The following RSF1 variants were observed in gnomAD, a reference collection of about 807,000 sequenced individuals.
RSF1 encodes the protein HBV pX-associated protein 8.
Under a neutral mutation model 145.2 loss-of-function variants are expected in RSF1, and 13 were observed. The ratio of observed to expected loss-of-function variants is 0.09; its 90% confidence interval spans 0.06 to 0.14. The LOEUF (loss-of-function observed/expected upper bound fraction) is 0.14, where lower values mean the gene tolerates loss of function less well. Among genes scored for constraint, RSF1 ranks in the 10% least tolerant of loss-of-function variants. The pLI is 1.00. For missense variants in RSF1, 1,517 were observed against 1,718.2 expected (o/e 0.88, Z 2.07); for synonymous variants, 577 against 592.6 (o/e 0.97, Z 0.38).
At chr11:77,757,332 G>T (rs1387578679) in intron 2 of RSF1, among the ~76,000 whole-genome samples, 1 of 152,160 alleles carries the variant, frequency 6.6e-6, no homozygotes, top group African/African-American at 2.4e-5. Context: ...CTGTGAAAGT[G>T]GGTCATGGCT....
chr11:77,683,429 C>A (rs552402530), intron 11 of RSF1, among the ~76,000 whole-genome samples: 4 of 150,472 alleles, frequency 2.7e-5, no homozygotes, highest in Admixed American at 2.6e-4. Context: ...CTAGGCCGGG[C>A]GCGGTGGCTC....
In RSF1 at chr11:77,667,195, C is replaced by A; in HGVS notation, c.4048G>T (p.Asp1350Tyr). Residue 1350 changes from aspartate (D) to tyrosine (Y), a missense_variant, in exon 16 of 16, where the codon GAC (aspartate) becomes TAC (tyrosine). Coordinates refer to ENST00000308488, the MANE Select transcript of RSF1 (RefSeq NM_016578.4). The stretch of plus-strand genomic sequence containing the variant: ...CCCACTTTGCCTACATTTTCAAAGT[C>A]CTCTTCCTCATCACTTTCTATCCGG... ...PYRIESDEEE[D>Y]FENVGKVGSP... 5 of 1,614,196 alleles carry A rather than the reference C, an allele frequency of 3.1e-6. No homozygotes were observed. Among genetic ancestry groups the A allele is most frequent in the Non-Finnish European group, 3.4e-6 (4 of 1,180,032 alleles).
Position 77,678,095 on chromosome 11 carries a change from C to G in RSF1, c.3124G>C (p.Asp1042His), listed in dbSNP as rs749521750. The G allele has an allele frequency of 6.2e-7, 1 of 1,611,374 alleles. No homozygotes were observed. The highest frequency in any genetic ancestry group is 1.1e-5 in the South Asian group (1 of 90,920). ...EAIEDDIKEA[D>H]GGGVGRGKDI... ...AACGACAAACACATACCTCCTCCAT[C>G]GGCTTCTTTGATGTCATCTTCAATA... Residue 1042 changes from aspartate (D) to histidine (H), a missense_variant, in exon 12 of 16, where the codon GAT (aspartate) becomes CAT (histidine). Transcript: ENST00000308488.
In RSF1 at chr11:77,700,751, T is replaced by C. The variant is rs1270418162; in HGVS notation, c.2478A>G (p.Ser826=). The change falls in exon 6 of 16, where the codon TCA becomes TCG. Residue 826 remains serine (S), a synonymous_variant. Coordinates refer to ENST00000308488, the MANE Select transcript of RSF1 (RefSeq NM_016578.4). ...TTACTTTAGAATTTGTATCTTTCTCTGATTTTTTCAAAATTTCCTTTTTGT... is the reference window on the plus strand; with the variant it reads ...TTACTTTAGAATTTGTATCTTTCTCCGATTTTTTCAAAATTTCCTTTTTGT... ...KTDKKEILKK[S]EKDTNSKVSK... The C allele has an allele frequency of 1.3e-6, 2 of 1,587,606 alleles. No individual in the cohort carries two copies. Among genetic ancestry groups the C allele is most frequent in the South Asian group, 1.2e-5 (1 of 85,692 alleles).
At chr11:77,715,427 A>G (rs1020450977) in intron 5 of RSF1, among the ~76,000 whole-genome samples, 8 of 152,206 alleles carry the variant, frequency 5.3e-5, no homozygotes, top group African/African-American at 1.9e-4. Context: ...ATACTTGTTT[A>G]AAGTAAAACA....
chr11:77,776,430 A>G (rs1473552180), intron 1 of RSF1, among the ~76,000 whole-genome samples: 7 of 152,112 alleles, frequency 4.6e-5, no homozygotes, highest in African/African-American at 1.7e-4. Context: ...ATCAGCTCAT[A>G]CCTTTTTTCA....
intron 9 of RSF1, among the ~76,000 whole-genome samples, chr11:77,686,727 G>C (rs1269675094): frequency 6.6e-6 from 1 of 152,050 alleles, no homozygotes; most frequent in Non-Finnish European, 1.5e-5. Context: ...AGATTTCACA[G>C]AGCATCACAC....
chr11:77,756,358 C>CAAAAAAAAAAAAA (rs936128985), intron 2 of RSF1, among the ~76,000 whole-genome samples: 1 of 54,296 alleles, frequency 1.8e-5, no homozygotes, highest in Non-Finnish European at 4.0e-5. Context: ...AACTCTGTCT[C>CAAAAAAAAAAAAA]AAAAAAAAAA....
intron 4 of RSF1, among the ~76,000 whole-genome samples, chr11:77,738,054 G>A (rs919046295): frequency 3.3e-5 from 5 of 152,204 alleles, no homozygotes; most frequent in African/African-American, 4.8e-5. Context: ...GCGTGAACCC[G>A]GAAGGCGGAG....
At chr11:77,857,077 A>C in the RSF1 span, among the ~76,000 whole-genome samples, 2 of 152,238 alleles carry the variant, frequency 1.3e-5, no homozygotes, top group African/African-American at 4.8e-5. Context: ...ATCACCCAAC[A>C]TTAAAAGATA....
At chr11:77,703,555 T>A (rs1960473824) in intron 5 of RSF1, 1 of 152,182 alleles carries the variant, frequency 6.6e-6, no homozygotes, top group Non-Finnish European at 1.5e-5. Context: ...TTCATGGGAA[T>A]AATGGGATGG....
At chr11:77,678,009 C>T (rs1302625618) in intron 12 of RSF1, 77 bp downstream of exon 12, 4 of 913,858 alleles carry the variant, frequency 4.4e-6, no homozygotes, top group Non-Finnish European at 5.4e-6. Flanking sequence ...AAAACATATG[C>T]TCACTGCCCT....
chr11:77,786,664 T>C (rs569997143), intron 1 of RSF1, among the ~76,000 whole-genome samples: 4 of 152,276 alleles, frequency 2.6e-5, no homozygotes, highest in Admixed American at 1.3e-4. Context: ...AAAACTATAA[T>C]GGTGGAGGCA....
chr11:77,683,514 G>A (rs1461218059), intron 11 of RSF1, among the ~76,000 whole-genome samples, 196 bp downstream of exon 11: 1 of 151,128 alleles, frequency 6.6e-6, no homozygotes, highest in Non-Finnish European at 1.5e-5. Context: ...GACCAGCCTG[G>A]CCAACAAGAG....
Position 77,701,134 on chromosome 11 carries a change from C to T in RSF1, c.2095G>A (p.Gly699Ser), listed in dbSNP as rs151206230. ...SGIEEPSETK[G>S]SMQKSKFKYK... ...TTGAATTTGCTTTTTTGCATAGAAC[C>T]CTTTGTCTCAGAAGGCTCCTCTATG... The change falls in exon 6 of 16, where the codon GGT (glycine) becomes AGT (serine). Residue 699 changes from glycine (G) to serine (S), a missense_variant. Physicochemically the swap from Gly to Ser is moderately conservative, Grantham distance 56. This residue lies in a region of RSF1 where 579 missense variants were observed against 553.5 expected (regional missense o/e 1.05). Transcript: ENST00000308488. 7 of 1,613,710 alleles carry T rather than the reference C, an allele frequency of 4.3e-6. No homozygotes were observed. Among genetic ancestry groups the T allele is most frequent in the African/African-American group, 2.7e-5 (2 of 74,840 alleles).
chr11:77,860,513 G>A, the RSF1 span, among the ~76,000 whole-genome samples: 10 of 152,214 alleles, frequency 6.6e-5, no homozygotes, highest in Non-Finnish European at 1.3e-4. Context: ...CAGGTGGCAA[G>A]GAAATTTAAG....
At chr11:77,713,789 T>A (rs930986080) in intron 5 of RSF1, among the ~76,000 whole-genome samples, 6 of 152,336 alleles carry the variant, frequency 3.9e-5, no homozygotes, top group Non-Finnish European at 8.8e-5. Flanking sequence ...TTAATCTTTT[T>A]AAAATTTTAA....
rs746530039 is a variant in RSF1, at chr11:77,665,982, T to C, written c.*935A>G. ...TCTTCATGTATGTTATATATAGATG[T>C]ATTTTTTTCAAAATGATATTTCAGA... On this transcript the variant is annotated 3_prime_UTR_variant, in exon 16 of 16. Coordinates refer to ENST00000308488, the MANE Select transcript of RSF1 (RefSeq NM_016578.4). 7 of 152,224 alleles carry C rather than the reference T, an allele frequency of 4.6e-5. No individual in the cohort carries two copies. Among genetic ancestry groups the C allele is most frequent in the Non-Finnish European group, 1.0e-4 (7 of 68,036 alleles). 9.4% of individuals were successfully genotyped at this position (152,224 alleles called of 1,614,324 possible).
chr11:77,737,621 G>GGGGTGTGT (rs1491534916), intron 4 of RSF1, among the ~76,000 whole-genome samples: 2 of 93,548 alleles, frequency 2.1e-5, no homozygotes, highest in East Asian at 5.6e-4. Context: ...TGTTTTGGGG[G>GGGGTGTGT]GTGTGTGTGT....
Sources: allele counts gnomAD v4.1 joint callset (sites outside exome capture counted in the v4.1 genomes callset), GRCh38; gene constraint gnomAD v4.1.1; regional missense constraint gnomAD v4.1.1; transcripts MANE v1.5; gene names NCBI Gene and HGNC (gene_info 2026-07-23, HGNC 2026-07-21).